Variants in DZIP1 observed in about 807,000 individuals in gnomAD.
DZIP1 encodes DAZ interacting zinc finger protein 1, also known as cilium assembly protein DZIP1.
DZIP1 carries 97 observed loss-of-function variants against 107.6 expected under a neutral mutation model. The ratio of observed to expected loss-of-function variants is 0.90; its 90% CI spans 0.77 to 1.07. The LOEUF is 1.07. Ranked by LOEUF, DZIP1 falls within the 50% of genes least tolerant of loss-of-function variation. DZIP1 has a pLI of 0.00. For missense variants in DZIP1, 1,035 were observed against 1,063.6 expected (o/e 0.97, Z 0.37); for synonymous variants, 390 against 386.4 (o/e 1.01, Z -0.11).
At position 95,605,919 on chromosome 13, in the gene DZIP1, C is replaced by G. The variant is rs530374216; in HGVS notation, c.1477+84G>C. On this transcript the variant is annotated intron_variant, in intron 14 of 22. Coordinates refer to ENST00000376829, the MANE Select transcript of DZIP1 (RefSeq NM_198968.4). ...TTTCCTGTTTTATTATTAATTACCT[C>G]CACATAATCACTTTTGGTTAATAAG... 1.4e-4 allele frequency: 183 copies of G among 1,350,416 alleles called. No homozygotes were observed. The Middle Eastern group carries it at 4.3e-3, about 32-fold the overall frequency. 83.7% of individuals were successfully genotyped at this position (1,350,416 alleles called of 1,614,324 possible).
At chr13:95,610,055 A>T (rs995648420) in intron 12 of DZIP1, among the ~76,000 whole-genome samples, 6 of 109,360 alleles carry the variant, frequency 5.5e-5, no homozygotes, top group Non-Finnish European at 1.0e-4. Flanking sequence ...TGACTGGTTT[A>T]GTGTGTGTGT....
At chr13:95,610,543 G>A (rs7350684) in intron 12 of DZIP1, among the ~76,000 whole-genome samples, 137,552 of 152,016 alleles carry the variant, frequency 0.9, 62,341 homozygotes, top group African/African-American at 0.93. Context: ...CCTGGCCTCA[G>A]GTGATCTTCC....
chr13:95,609,591 G>A (rs542542566), intron 12 of DZIP1, 78 bp from the exon 13 acceptor site: 138 of 1,023,736 alleles, frequency 1.3e-4, no homozygotes, highest in Non-Finnish European at 1.8e-4. Flanking sequence ...ATACTAATTT[G>A]AGCCCCCATA....
intron 13 of DZIP1, among the ~76,000 whole-genome samples, chr13:95,607,086 G>T (rs147231786): frequency 6.6e-6 from 1 of 151,654 alleles, no homozygotes; most frequent in Non-Finnish European, 1.5e-5. Context: ...TACTCCCGTC[G>T]CCCAGGGTGG....
At chr13:95,629,021 T>G (rs888614547) in intron 7 of DZIP1, among the ~76,000 whole-genome samples, 2 of 152,180 alleles carry the variant, frequency 1.3e-5, no homozygotes, top group African/African-American at 4.8e-5. Flanking sequence ...TATAGGTATA[T>G]TACAATTTAA....
chr13:95,639,495 G>C (rs539845826), intron 5 of DZIP1, among the ~76,000 whole-genome samples: 1 of 151,778 alleles, frequency 6.6e-6, no homozygotes, highest in Admixed American at 6.6e-5. Flanking sequence ...AGAAGCTGAG[G>C]TGGGAAAATC....
At chr13:95,612,610 A>G (rs989020158) in intron 10 of DZIP1, among the ~76,000 whole-genome samples, 2 of 151,918 alleles carry the variant, frequency 1.3e-5, no homozygotes, top group Middle Eastern at 3.4e-3. Flanking sequence ...TTTGACATGG[A>G]GTCTCGCTCT....
intron 16 of DZIP1, 120 bp from the exon 17 acceptor site, chr13:95,590,561 G>A: frequency 9.9e-7 from 1 of 1,006,162 alleles, no homozygotes; most frequent in Non-Finnish European, 1.4e-6. Context: ...GTTGTGTGTA[G>A]AGGGTAAGGG....
intron 6 of DZIP1, among the ~76,000 whole-genome samples, chr13:95,632,236 G>T (rs1199231094): frequency 1.3e-5 from 2 of 152,056 alleles, no homozygotes; most frequent in Admixed American, 6.6e-5. Flanking sequence ...ACCTTAAGCT[G>T]CAGCCCTTCA....
intron 10 of DZIP1, among the ~76,000 whole-genome samples, chr13:95,615,890 A>AT (rs1380826939): frequency 6.6e-6 from 1 of 152,246 alleles, no homozygotes; most frequent in East Asian, 1.9e-4. Context: ...GCTTAAGTAT[A>AT]TGGCAACTAC....
chr13:95,619,230 A>G (rs544937353), intron 10 of DZIP1, among the ~76,000 whole-genome samples: 5 of 152,350 alleles, frequency 3.3e-5, no homozygotes, highest in African/African-American at 9.6e-5. Flanking sequence ...TATAAAGTGA[A>G]AAGTGTACAA....
chr13:95,602,190 C>T (rs554736669), intron 14 of DZIP1, among the ~76,000 whole-genome samples: 32 of 152,196 alleles, frequency 2.1e-4, no homozygotes, highest in Non-Finnish European at 4.3e-4. Flanking sequence ...ATCTCCTCTT[C>T]TCTATGCATG....
intron 10 of DZIP1, chr13:95,617,948 A>T (rs17268561): frequency 0.31 from 158,583 of 518,776 alleles, 25,389 homozygotes; most frequent in Non-Finnish European, 0.34. Flanking sequence ...GAGCATCTGG[A>T]GGAACGAGGG....
intron 7 of DZIP1, among the ~76,000 whole-genome samples, chr13:95,625,523 A>G (rs1876427619): frequency 6.6e-6 from 1 of 152,220 alleles, no homozygotes; most frequent in South Asian, 2.1e-4. Flanking sequence ...ATTTACCAGG[A>G]AGACCTTTTT....
At chr13:95,604,560 T>C (rs1030785541) in intron 14 of DZIP1, among the ~76,000 whole-genome samples, 1 of 152,204 alleles carries the variant, frequency 6.6e-6, no homozygotes, top group Non-Finnish European at 1.5e-5. Flanking sequence ...TCTGGGCTAG[T>C]GAGGGTAGGG....
In DZIP1 at chr13:95,616,639, A is replaced by G. The variant is rs563147492; in HGVS notation, c.1173+3246T>C. 3.9e-5 allele frequency among the ~76,000 whole-genome samples: 6 copies of G among 152,284 alleles called. No homozygotes were observed. The East Asian group carries it at 1.2e-3, about 29-fold the overall frequency. On this transcript the variant is annotated intron_variant, in intron 10 of 22. Transcript: ENST00000376829. ...TAAAGAAAAGGGACTACCTACTTGG[A>G]TAGAGTGACATCAGGTGACCAGGAC...
At chr13:95,589,130 C>T (rs895770173) in intron 19 of DZIP1, 24 bp downstream of exon 19, 1 of 1,582,484 alleles carries the variant, frequency 6.3e-7, no homozygotes, top group Non-Finnish European at 8.6e-7. Context: ...TTTAAATGAC[C>T]CTCCCATCCC....
At position 95,629,971 on chromosome 13, in the gene DZIP1, C is replaced by T. The variant is rs192574737; in HGVS notation, c.810+18G>A. On this transcript the variant is annotated intron_variant, in intron 7 of 22. Coordinates refer to ENST00000376829, the MANE Select transcript of DZIP1 (RefSeq NM_198968.4). ...ACAGTTAATTGTAATTAAAATACCA[C>T]AGAATTCTGCCTGGTACCTTGGAGA... is the stretch of plus-strand genomic sequence containing the variant. 1 of 1,580,454 alleles carries T rather than the reference C, an allele frequency of 6.3e-7. No homozygotes were observed. Among genetic ancestry groups the T allele is most frequent in the African/African-American group, 1.4e-5 (1 of 73,390 alleles).
Position 95,638,872 on chromosome 13 carries a change from TAA to T in DZIP1, c.597+2421_597+2422del, listed in dbSNP as rs550830498. ...CACAATTTCTCAAAGGTAAAACTGA[TAA>T]TGCGGTGGACCCAATCATTGTGTCA... On this transcript the variant is annotated intron_variant, in intron 5 of 22. Coordinates refer to ENST00000376829, the MANE Select transcript of DZIP1 (RefSeq NM_198968.4). 4.5e-3 allele frequency among the ~76,000 whole-genome samples: 691 copies of T among 152,340 alleles called. 7 individuals are homozygous for T. Among genetic ancestry groups the T allele is most frequent in the African/African-American group, 0.015 (624 of 41,576 alleles).
Sources: allele counts gnomAD v4.1 joint callset (sites outside exome capture counted in the v4.1 genomes callset), GRCh38; gene constraint gnomAD v4.1.1; transcripts MANE v1.5; gene names NCBI Gene and HGNC (gene_info 2026-07-23, HGNC 2026-07-21).